LPL: variants seen among roughly 807,000 people sequenced by gnomAD.
LPL encodes lipoprotein lipase, also known as phospholipase A1.
In LPL, 43 loss-of-function variants were observed where a neutral mutation model predicts 52.2. The ratio of observed to expected loss-of-function variants is 0.82; its 90% CI spans 0.64 to 1.06. The LOEUF (loss-of-function observed/expected upper bound fraction) is 1.06, where lower values mean the gene tolerates loss of function less well. Ranked by LOEUF, LPL falls within the 50% of genes least tolerant of loss-of-function variation. The pLI, the probability that LPL is intolerant of heterozygous loss-of-function variation, is 0.00. For synonymous variants in LPL, 244 were observed against 215.6 expected, an observed-to-expected ratio of 1.13 and a Z score of -1.15; for missense variants, 639 against 585.3, an observed-to-expected ratio of 1.09 and a Z score of -0.95.
chr8:19,952,615 A>G (rs906354779), intron 3 of LPL, among the ~76,000 whole-genome samples: 2 of 152,232 alleles, frequency 1.3e-5, no homozygotes, highest in African/African-American at 4.8e-5. Flanking sequence ...GTAAAAAATA[A>G]GCTGTGTTTA....
chr8:19,963,295 G>C (rs1035873415), intron 9 of LPL, among the ~76,000 whole-genome samples: 1 of 152,124 alleles, frequency 6.6e-6, no homozygotes, highest in Non-Finnish European at 1.5e-5. Flanking sequence ...AATTAGCTGG[G>C]TGTGGCGGCA....
intron 1 of LPL, among the ~76,000 whole-genome samples, chr8:19,947,018 A>C (rs1332030365): frequency 6.6e-6 from 1 of 152,224 alleles, no homozygotes; most frequent in Non-Finnish European, 1.5e-5. Context: ...TTGTAATGAC[A>C]TAGTGGGAAA....
At chr8:19,958,215 T>A (rs948689407) in intron 6 of LPL, among the ~76,000 whole-genome samples, 1 of 152,042 alleles carries the variant, frequency 6.6e-6, no homozygotes, top group Admixed American at 6.6e-5. Flanking sequence ...AGAAACAGGG[T>A]TTCACCATGT....
In LPL at chr8:19,954,321, C is replaced by A; in HGVS notation, c.743C>A (p.Ala248Asp). The A allele has an allele frequency of 6.2e-7, 1 of 1,614,136 alleles. No homozygotes were observed. The highest frequency in any genetic ancestry group is 8.5e-7 in the Non-Finnish European group (1 of 1,180,008). Reference protein sequence around the residue: ...TFQPGCNIGEAIRVIAERGLG... With the variant: ...TFQPGCNIGEDIRVIAERGLG... ...CAGCCAGGATGTAACATTGGAGAAGCTATCCGCGTGATTGCAGAGAGAGGA... is the reference window on the plus strand; with the variant it reads ...CAGCCAGGATGTAACATTGGAGAAGATATCCGCGTGATTGCAGAGAGAGGA... Residue 248 changes from alanine (A) to aspartate (D), a missense_variant, in exon 5 of 10, where the codon GCT becomes GAT. Transcript: ENST00000650287.
chr8:19,962,747 C>T (rs12544438), intron 9 of LPL, among the ~76,000 whole-genome samples: 1 of 152,220 alleles, frequency 6.6e-6, no homozygotes, highest in Non-Finnish European at 1.5e-5. Flanking sequence ...TCTCAAAACC[C>T]TCAAAGCTGC....
chr8:19,946,556 C>T, intron 1 of LPL: 1 of 302,812 alleles, frequency 3.3e-6, no homozygotes, highest in African/African-American at 2.3e-5. Flanking sequence ...TTTGAAGTTA[C>T]AGATTTTTAA....
At position 19,950,009 on chromosome 8, in the gene LPL, G is replaced by GCA. The variant is rs1563571026; in HGVS notation, c.249+1669_249+1670insCA. 2.0e-5 allele frequency among the ~76,000 whole-genome samples: 3 copies of GCA among 152,144 alleles called. No homozygotes were observed. The highest frequency in any genetic ancestry group is 7.2e-5 in the African/African-American group (3 of 41,426). On this transcript the variant is annotated intron_variant, in intron 2 of 9. Transcript: ENST00000650287. The surrounding 1 kb of genome is among the most constrained non-coding windows in gnomAD (Gnocchi z 4.2). ...ATGACCAACCCAATATCAACAGACG[G>GCA]TGCCACTTCCTATCATTGGTCCTAC...
Position 19,953,602 on chromosome 8 carries a change from TCACTGGCTTACTATC to T in LPL, c.541+189_541+203del, listed in dbSNP as rs553289802. ...GGGATAAGAAAAAACACAGACGCTC[TCACTGGCTTACTATC>T]CACTGGCAATAGCACAGAAATAAAG... On this transcript the variant is annotated intron_variant, in intron 4 of 9. Coordinates refer to ENST00000650287, the MANE Select transcript of LPL (RefSeq NM_000237.3). Among the ~76,000 whole-genome samples the T allele has an allele frequency of 2.5e-4, 38 of 152,324 alleles. 1 individual carries two copies. The highest frequency in any genetic ancestry group is 8.9e-4 in the African/African-American group (37 of 41,574).
At chr8:19,947,655 A>ACC (rs1304801462) in intron 1 of LPL, among the ~76,000 whole-genome samples, 3 of 92,200 alleles carry the variant, frequency 3.3e-5, no homozygotes, top group Admixed American at 2.2e-4. Context: ...AAAACAAAAC[A>ACC]ACCCCCCCCC....
intron 6 of LPL, among the ~76,000 whole-genome samples, chr8:19,957,322 G>A (rs1393142771): frequency 6.6e-6 from 1 of 152,208 alleles, no homozygotes; most frequent in African/African-American, 2.4e-5. Flanking sequence ...TGAGGGAAGG[G>A]ATGATATTAA....
Position 19,962,097 on chromosome 8 carries a change from A to G in LPL, c.1323-18A>G, listed in dbSNP as rs1563582714. On this transcript the variant is annotated intron_variant, in intron 8 of 9. Coordinates refer to ENST00000650287, the MANE Select transcript of LPL (RefSeq NM_000237.3). The stretch of plus-strand genomic sequence containing the variant: ...TGATTGTTCTACATGGCATATTCAC[A>G]TCCATTTTCTTCCACAGGGTGATCT... The G allele has an allele frequency of 1.3e-6, 2 of 1,542,308 alleles. No homozygotes were observed. Among genetic ancestry groups the G allele is most frequent in the Non-Finnish European group, 1.8e-6 (2 of 1,114,706 alleles).
intron 7 of LPL, 145 bp downstream of exon 7, chr8:19,959,525 C>G (rs1363098802): frequency 9.6e-7 from 1 of 1,040,230 alleles, no homozygotes; most frequent in African/African-American, 1.6e-5. Context: ...GGTCTTTCCT[C>G]TATTTGATAT....
chr8:19,945,201 T>G (rs550940518), intron 1 of LPL, among the ~76,000 whole-genome samples: 27 of 152,134 alleles, frequency 1.8e-4, no homozygotes, highest in Non-Finnish European at 3.2e-4. Flanking sequence ...CAGGATGCAT[T>G]GGGACAAATA....
In LPL at chr8:19,960,889, T is replaced by C; in HGVS notation, c.1140-12T>C. 6.2e-7 allele frequency: 1 copy of C among 1,611,416 alleles called. No homozygotes were observed. The highest frequency in any genetic ancestry group is 8.5e-7 in the Non-Finnish European group (1 of 1,178,234). Reference sequence around the variant, plus strand: ...CTCTATAACTAACCAAATTTATTGCTTTTTTGTTTAGGCCTGAAGTTTCCA... The same window carrying C: ...CTCTATAACTAACCAAATTTATTGCCTTTTTGTTTAGGCCTGAAGTTTCCA... On this transcript the variant is annotated splice_polypyrimidine_tract_variant and intron_variant, in intron 7 of 9. Transcript: ENST00000650287.
intron 1 of LPL, among the ~76,000 whole-genome samples, chr8:19,940,436 G>T (rs533403792): frequency 2.0e-5 from 3 of 152,210 alleles, no homozygotes; most frequent in Non-Finnish European, 4.4e-5. Context: ...TGGAGGCAGC[G>T]AGCACAACGG....
chr8:19,939,597 G>A lies in LPL; in HGVS notation c.88+69G>A. ...GGTGGCCACTGCCACCCGAACTGAG[G>A]ATGAGAAGAAGGAAGTTGGAAGGGG... is the stretch of plus-strand genomic sequence containing the variant. On this transcript the variant is annotated intron_variant, in intron 1 of 9. Coordinates refer to ENST00000650287, the MANE Select transcript of LPL (RefSeq NM_000237.3). The surrounding 1 kb of genome is among the most constrained non-coding windows in gnomAD (Gnocchi z 4.0). The A allele has an allele frequency of 2.0e-6, 3 of 1,489,888 alleles. No individual in the cohort carries two copies. Among genetic ancestry groups the A allele is most frequent in the South Asian group, 2.4e-5 (2 of 84,104 alleles). The allele number at this position is 1,489,888 out of a possible 1,614,324, so 92.3% of individuals were successfully genotyped here.
chr8:19,939,600 G>A lies in LPL; in HGVS notation c.88+72G>A, dbSNP rs574075850. 12 of 1,473,580 alleles carry A rather than the reference G, an allele frequency of 8.1e-6. No individual in the cohort carries two copies. The highest frequency in any genetic ancestry group is 1.4e-5 in the African/African-American group (1 of 72,204). The allele number at this position is 1,473,580 out of a possible 1,614,324, so 91.3% of individuals were successfully genotyped here. A position where few individuals can be genotyped will look rare whatever the true frequency, so the allele number is the denominator to read the frequency against. On this transcript the variant is annotated intron_variant, in intron 1 of 9. Transcript: ENST00000650287. The surrounding 1 kb of genome is among the most constrained non-coding windows in gnomAD (Gnocchi z 4.0). Reference sequence around the variant, plus strand: ...GGCCACTGCCACCCGAACTGAGGATGAGAAGAAGGAAGTTGGAAGGGGCGG... The same window carrying A: ...GGCCACTGCCACCCGAACTGAGGATAAGAAGAAGGAAGTTGGAAGGGGCGG...
In LPL at chr8:19,950,458, G is replaced by C. The variant is rs2128837408; in HGVS notation, c.250-1311G>C. 6.6e-6 allele frequency among the ~76,000 whole-genome samples: 1 copy of C among 152,298 alleles called. No homozygotes were observed. Among genetic ancestry groups the C allele is most frequent in the South Asian group, 2.1e-4 (1 of 4,824 alleles). On this transcript the variant is annotated intron_variant, in intron 2 of 9. Transcript: ENST00000650287. The surrounding 1 kb of genome is among the most constrained non-coding windows in gnomAD (Gnocchi z 4.2). ...TATTGTTCGGTTAATAAAAATGTCA[G>C]CCACTGTAGGAGTAAGTTGGATGTC...
intron 8 of LPL, among the ~76,000 whole-genome samples, chr8:19,961,422 C>A (rs995631322): frequency 6.6e-6 from 1 of 151,926 alleles, no homozygotes; most frequent in South Asian, 2.1e-4. Flanking sequence ...AACAAACCTC[C>A]GAGATGCTAC....
Sources: gnomAD v4.1 joint callset for allele counts (sites outside exome capture counted in the v4.1 genomes callset) on GRCh38, gnomAD v4.1.1 for gene constraint, Gnocchi (gnomAD v3.1) non-coding constraint, MANE v1.5 for transcripts, NCBI Gene and HGNC (gene_info 2026-07-23, HGNC 2026-07-21) for gene names.